The following ABHD18 variants were observed in gnomAD, a reference collection of about 807,000 sequenced individuals.
ABHD18 encodes abhydrolase domain containing 18.
A neutral mutation model predicts 65.9 loss-of-function variants in ABHD18; 55 were observed. The observed-to-expected ratio is 0.84, with a 90% confidence interval of 0.67 to 1.05. The LOEUF (loss-of-function observed/expected upper bound fraction) is 1.05. Ranked by LOEUF, ABHD18 falls within the 50% of genes least tolerant of loss-of-function variation. The pLI, the probability that ABHD18 is intolerant of heterozygous loss-of-function variation, is 0.00. For synonymous variants in ABHD18, 181 were observed against 180.2 expected (o/e 1.00, Z -0.04); for missense variants, 533 against 558.5 (o/e 0.95, Z 0.46).
chr4:128,021,209 G>T lies in ABHD18; in HGVS notation c.772G>T (p.Glu258Ter). 1 of 1,545,888 alleles carries T rather than the reference G, an allele frequency of 6.5e-7. No individual in the cohort carries two copies. The highest frequency in any genetic ancestry group is 8.8e-7 in the Non-Finnish European group (1 of 1,142,762). The change falls in exon 10 of 13, where the codon GAA (glutamate) becomes TAA (stop). Residue 258 changes from glutamate to a stop codon, truncating the protein, a stop_gained. Transcript: ENST00000645843. LOFTEE classifies it high-confidence loss of function. ...TTATACCCAGACAGTTTATGAAGAA[G>T]AAATTATTCACATGCTTGAATACTG... ...QYYTQTVYEE[E>*]IIHMLEYCGT...
At chr4:128,020,807 G>T (rs181407810) in intron 9 of ABHD18, among the ~76,000 whole-genome samples, 1 of 152,300 alleles carries the variant, frequency 6.6e-6, no homozygotes, top group Non-Finnish European at 1.5e-5. Context: ...GCTGAGGCTG[G>T]TGAACCACCT....
intron 7 of ABHD18, among the ~76,000 whole-genome samples, chr4:128,012,080 C>T (rs542088308): frequency 1.3e-4 from 19 of 150,756 alleles, no homozygotes; most frequent in East Asian, 3.9e-4. Flanking sequence ...TGGGTTCAAG[C>T]GATTCTCTGC....
chr4:128,027,331 T>C (rs1005623989), intron 10 of ABHD18, among the ~76,000 whole-genome samples: 3 of 152,226 alleles, frequency 2.0e-5, no homozygotes, highest in Admixed American at 6.5e-5. Flanking sequence ...AACACATAAG[T>C]GTATTTACAA....
At chr4:127,979,915 C>CA (rs59944314) in intron 1 of ABHD18, among the ~76,000 whole-genome samples, 6,879 of 65,940 alleles carry the variant, frequency 0.1, 525 homozygotes, top group African/African-American at 0.18. Flanking sequence ...GACTCCATCT[C>CA]AAAAAAAAAA....
intron 4 of ABHD18, chr4:128,001,807 A>T (rs182924258): frequency 1.1e-5 from 16 of 1,518,560 alleles, no homozygotes; most frequent in Admixed American, 2.2e-5. Context: ...GGTCTTTTGT[A>T]TATCCTTAGT....
intron 3 of ABHD18, among the ~76,000 whole-genome samples, chr4:127,985,357 A>G (rs545867989): frequency 6.6e-6 from 1 of 152,216 alleles, no homozygotes; most frequent in Admixed American, 6.5e-5. Flanking sequence ...GCCTTCAAGC[A>G]AAGTAACTGT....
intron 7 of ABHD18, among the ~76,000 whole-genome samples, chr4:128,014,272 C>T (rs1326081637): frequency 3.3e-5 from 5 of 152,056 alleles, no homozygotes; most frequent in Admixed American, 1.3e-4. Context: ...CAGCATCCAC[C>T]GCGCCCAGCT....
intron 4 of ABHD18, among the ~76,000 whole-genome samples, chr4:127,994,464 G>A (rs1751421808): frequency 6.6e-6 from 1 of 152,048 alleles, no homozygotes; most frequent in African/African-American, 2.4e-5. Flanking sequence ...GCGGGTGCCT[G>A]TAATCCAAAC....
chr4:128,030,382 G>T lies in ABHD18; in HGVS notation c.1181-128G>T, dbSNP rs1012995616. ...TCTCGTACTGGAGATGAGTAAGGTA[G>T]CATATTATAGTTGATTTTTAATTTA... On this transcript the variant is annotated intron_variant, in intron 11 of 12. Coordinates refer to ENST00000645843, the MANE Select transcript of ABHD18 (RefSeq NM_001358451.3). 37 of 576,858 alleles carry T rather than the reference G, an allele frequency of 6.4e-5. No homozygotes were observed. The Middle Eastern group carries it at 1.3e-3, about 21-fold the overall frequency. The allele number at this position is 576,858 out of a possible 1,614,324, so 35.7% of individuals were successfully genotyped here. A position where few individuals can be genotyped will look rare whatever the true frequency, so the allele number is the denominator to read the frequency against.
chr4:128,001,247 C>T (rs1045727403), intron 4 of ABHD18, among the ~76,000 whole-genome samples: 11 of 152,064 alleles, frequency 7.2e-5, no homozygotes, highest in Admixed American at 6.6e-4. Context: ...AGCTTTTGCC[C>T]ATTCAGTATG....
In ABHD18 at chr4:128,034,020, G is replaced by A. The variant is rs180997046; in HGVS notation, c.1344-1742G>A. ...GTCACCTAGGCTGGAGTGCAGTGGC[G>A]CGATCTTGGCTCACTGCATCCTCCG... On this transcript the variant is annotated intron_variant, in intron 12 of 12. Transcript: ENST00000645843. Among the ~76,000 whole-genome samples, 720 of 140,682 alleles carry A rather than the reference G, an allele frequency of 5.1e-3. 11 individuals carry two copies. Among genetic ancestry groups the A allele is most frequent in the African/African-American group, 0.018 (687 of 37,382 alleles). The allele number at this position is 140,682 out of a possible 152,430, so 92.3% of individuals were successfully genotyped here. A position where few individuals can be genotyped will look rare whatever the true frequency, so the allele number is the denominator to read the frequency against.
Position 127,989,916 on chromosome 4 carries a change from G to C in ABHD18, c.278+95G>C, listed in dbSNP as rs1750642224. The C allele has an allele frequency of 8.5e-6, 6 of 706,538 alleles. 1 individual carries two copies. Among genetic ancestry groups the C allele is most frequent in the Non-Finnish European group, 1.3e-5 (6 of 454,614 alleles). The allele number at this position is 706,538 out of a possible 1,614,324, so 43.8% of individuals were successfully genotyped here. A position where few individuals can be genotyped will look rare whatever the true frequency, so the allele number is the denominator to read the frequency against. The stretch of plus-strand genomic sequence containing the variant: ...TGTTATTTGAAATTAGGAGTAACAA[G>C]GCAGGCCTAAATTATTGAAAAGGCT... On this transcript the variant is annotated intron_variant, in intron 4 of 12. Transcript: ENST00000645843.
At chr4:127,989,963 C>A (rs939216646) in intron 4 of ABHD18, 142 bp downstream of exon 4, 1 of 542,728 alleles carries the variant, frequency 1.8e-6, no homozygotes, top group East Asian at 3.0e-5. Context: ...TATTTTAATT[C>A]TTCAAAGAAC....
At chr4:127,993,773 T>C (rs1012559164) in intron 4 of ABHD18, among the ~76,000 whole-genome samples, 9 of 152,200 alleles carry the variant, frequency 5.9e-5, no homozygotes, top group African/African-American at 2.2e-4. Flanking sequence ...TTCCTTATGG[T>C]GCACATTTAA....
At chr4:128,033,486 T>C (rs1164831303) in intron 12 of ABHD18, among the ~76,000 whole-genome samples, 1 of 150,498 alleles carries the variant, frequency 6.6e-6, no homozygotes, top group Non-Finnish European at 1.5e-5. Flanking sequence ...ATATTGGAAA[T>C]AATAATCTAT....
At chr4:128,018,345 A>G (rs1319092384) in intron 8 of ABHD18, among the ~76,000 whole-genome samples, 1 of 152,134 alleles carries the variant, frequency 6.6e-6, no homozygotes, top group Non-Finnish European at 1.5e-5. Flanking sequence ...GTGTGGGCTC[A>G]AGTGATCCAC....
At chr4:127,979,688 G>T (rs1425662565) in intron 1 of ABHD18, among the ~76,000 whole-genome samples, 2 of 152,114 alleles carry the variant, frequency 1.3e-5, no homozygotes, top group Non-Finnish European at 2.9e-5. Flanking sequence ...GGCCGAGGCG[G>T]GTGGATCATC....
chr4:127,976,347 C>G (rs1747917078), intron 1 of ABHD18, among the ~76,000 whole-genome samples: 1 of 151,572 alleles, frequency 6.6e-6, no homozygotes, highest in Admixed American at 6.6e-5. Context: ...CTCAATTAAG[C>G]AAACGCCCAA....
intron 9 of ABHD18, 101 bp from the exon 10 acceptor site, chr4:128,021,034 CAA>C (rs398064025): frequency 0.052 from 22,194 of 430,948 alleles, no homozygotes; most frequent in South Asian, 0.075. Context: ...ACTTCGTCTG[CAA>C]AAAAAAAAAA....
Sources: gnomAD v4.1 joint callset for allele counts (sites outside exome capture counted in the v4.1 genomes callset) on GRCh38, gnomAD v4.1.1 for gene constraint, MANE v1.5 for transcripts, NCBI Gene and HGNC (gene_info 2026-07-23, HGNC 2026-07-21) for gene names.